Variants in ERI1 observed in about 807,000 individuals in gnomAD.
The protein encoded by ERI1 is exoribonuclease 1.
In ERI1, 39 loss-of-function variants were observed where a neutral mutation model predicts 39.7. The observed-to-expected ratio is 0.98, with a 90% confidence interval of 0.76 to 1.28. ERI1 has a LOEUF of 1.28. Among genes scored for constraint, ERI1 ranks in the 50% most tolerant of loss-of-function variants. The pLI, the probability that ERI1 is intolerant of heterozygous loss-of-function variation, is 0.00. For missense variants in ERI1, 581 were observed against 416.9 expected (o/e 1.39, Z -3.43); for synonymous variants, 204 against 149.6 (o/e 1.36, Z -2.65).
intron 6 of ERI1, among the ~76,000 whole-genome samples, chr8:9,028,589 C>T (rs1797355296): frequency 6.6e-6 from 1 of 152,014 alleles, no homozygotes. Flanking sequence ...TAAAACTTAA[C>T]AAATCTTGAT....
chr8:9,069,045 C>T (rs542103276), intron 3 of ERI1, among the ~76,000 whole-genome samples: 5 of 152,302 alleles, frequency 3.3e-5, no homozygotes, highest in South Asian at 4.1e-4. Context: ...TCTCGAACTC[C>T]TGGGCTCAAG....
chr8:9,086,715 C>G (rs1799540249), intron 3 of ERI1, among the ~76,000 whole-genome samples: 1 of 152,194 alleles, frequency 6.6e-6, no homozygotes, highest in Non-Finnish European at 1.5e-5. Flanking sequence ...AATGTCCTAC[C>G]TAATCAAAGT....
chr8:9,029,638 T>C (rs948732779), intron 6 of ERI1, among the ~76,000 whole-genome samples, 154 bp from the exon 7 acceptor site: 3 of 152,200 alleles, frequency 2.0e-5, no homozygotes, highest in African/African-American at 7.2e-5. Context: ...GCCTGAATTT[T>C]TTATTTGCCT....
At chr8:9,025,703 TG>T (rs200096958) in intron 6 of ERI1, among the ~76,000 whole-genome samples, 126 of 134,800 alleles carry the variant, frequency 9.3e-4, no homozygotes, top group Middle Eastern at 4.1e-3. Flanking sequence ...CTTTTTTTTT[TG>T]TGTGTGTGTG....
intron 6 of ERI1, 130 bp from the exon 7 acceptor site, chr8:9,029,662 G>T (rs1585235630): frequency 1.8e-6 from 2 of 1,083,122 alleles, no homozygotes; most frequent in Non-Finnish European, 2.7e-6. Flanking sequence ...TTGAGTGGGG[G>T]TATTGCCCTT....
intron 3 of ERI1, among the ~76,000 whole-genome samples, chr8:9,067,214 T>C (rs1296647398): frequency 6.6e-6 from 1 of 152,174 alleles, no homozygotes; most frequent in Non-Finnish European, 1.5e-5. Context: ...TTCATACACA[T>C]GAAGTATGTT....
rs933133476 is a variant in ERI1 at position 9,072,079 on chromosome 8, C to T, written n.300-44269C>T. ...AGACCCTGTCACACACGTACACACACGCAAAAATGACAGAGAGGCAGAATT... is the reference window on the plus strand; with the variant it reads ...AGACCCTGTCACACACGTACACACATGCAAAAATGACAGAGAGGCAGAATT... On this transcript the variant is annotated intron_variant and non_coding_transcript_variant, in intron 3 of 3. Coordinates refer to the ERI1 transcript ENST00000518663. Among the ~76,000 whole-genome samples the T allele has an allele frequency of 5.3e-5, 8 of 152,012 alleles. 1 individual carries two copies. The South Asian group carries it at 8.3e-4, about 16-fold the overall frequency.
At chr8:9,064,080 T>G (rs1403073812) in intron 3 of ERI1, among the ~76,000 whole-genome samples, 5 of 145,622 alleles carry the variant, frequency 3.4e-5, no homozygotes, top group East Asian at 2.0e-4. Context: ...GAGGTTGGAG[T>G]GTGGAAATAA....
At chr8:9,042,004 G>C (rs962856054) in intron 3 of ERI1, among the ~76,000 whole-genome samples, 9 of 152,186 alleles carry the variant, frequency 5.9e-5, no homozygotes, top group Admixed American at 5.9e-4. Flanking sequence ...AAAGTGCTGG[G>C]ATTATAGGCA....
At chr8:9,073,621 G>C (rs1487049036) in intron 3 of ERI1, among the ~76,000 whole-genome samples, 1 of 152,126 alleles carries the variant, frequency 6.6e-6, no homozygotes, top group East Asian at 1.9e-4. Context: ...GTGCAGGAGG[G>C]AGAAAAATAA....
At chr8:9,080,618 C>T (rs1290052301) in intron 3 of ERI1, among the ~76,000 whole-genome samples, 1 of 152,216 alleles carries the variant, frequency 6.6e-6, no homozygotes, top group East Asian at 1.9e-4. Flanking sequence ...ACCCGTTCCA[C>T]CTTGCTATTG....
intron 3 of ERI1, among the ~76,000 whole-genome samples, chr8:9,042,843 A>G (rs1364140240): frequency 6.6e-6 from 1 of 152,226 alleles, no homozygotes; most frequent in Non-Finnish European, 1.5e-5. Flanking sequence ...AAAATCTGAA[A>G]CATTTCTGGT....
At chr8:9,052,203 G>A (rs952946097) in intron 3 of ERI1, among the ~76,000 whole-genome samples, 2 of 152,162 alleles carry the variant, frequency 1.3e-5, no homozygotes, top group Non-Finnish European at 1.5e-5. Flanking sequence ...GACGTTTTCT[G>A]TGAGTTTCAG....
intron 5 of ERI1, among the ~76,000 whole-genome samples, chr8:9,019,819 C>G (rs1817692320): frequency 6.6e-6 from 1 of 152,094 alleles, no homozygotes; most frequent in African/African-American, 2.4e-5. Flanking sequence ...TGCTATTATT[C>G]TGACTCTCCT....
chr8:9,045,288 C>T (rs1165126122), intron 3 of ERI1, among the ~76,000 whole-genome samples: 1 of 150,466 alleles, frequency 6.6e-6, no homozygotes, highest in Admixed American at 6.6e-5. Context: ...CCTAAGCTGG[C>T]TTCTCAGATT....
chr8:9,051,210 G>A (rs1563358064), intron 3 of ERI1, among the ~76,000 whole-genome samples: 1 of 151,672 alleles, frequency 6.6e-6, no homozygotes, highest in African/African-American at 2.4e-5. Flanking sequence ...ATTTCTTACA[G>A]TATGGTGGCT....
At chr8:9,009,125 C>T in intron 2 of ERI1, 2 of 455,640 alleles carry the variant, frequency 4.4e-6, no homozygotes, top group South Asian at 1.6e-5. Context: ...TGCGTGGGAG[C>T]TAGCGATCTA....
At chr8:9,036,941 C>T (rs943534537), downstream of ERI1, among the ~76,000 whole-genome samples, 1 of 152,156 alleles carries the variant, frequency 6.6e-6, no homozygotes, top group African/African-American at 2.4e-5. Flanking sequence ...AACCATGAAA[C>T]TCATAGTCCC....
chr8:9,043,562 C>T (rs1212439818), intron 3 of ERI1, among the ~76,000 whole-genome samples: 1 of 152,120 alleles, frequency 6.6e-6, no homozygotes, highest in Non-Finnish European at 1.5e-5. Flanking sequence ...TGCAAATAGG[C>T]CTAGACTCAC....
Sources: allele counts gnomAD v4.1 joint callset (sites outside exome capture counted in the v4.1 genomes callset), GRCh38; gene constraint gnomAD v4.1.1; transcripts MANE v1.5; gene names NCBI Gene and HGNC (gene_info 2026-07-23, HGNC 2026-07-21).